KIF1A: variants seen among roughly 807,000 people sequenced by gnomAD.
The protein encoded by KIF1A is kinesin family member 1A.
Under a neutral mutation model 227.3 loss-of-function variants are expected in KIF1A, and 46 were observed. The ratio of observed to expected loss-of-function variants is 0.20; its 90% CI spans 0.16 to 0.26. The LOEUF is 0.26. KIF1A is among the 10% of genes least tolerant of loss of function. KIF1A has a pLI of 1.00. For synonymous variants in KIF1A, 1,022 were observed against 1,012.8 expected (o/e 1.01, Z -0.17); for missense variants, 1,683 against 2,485.9 (o/e 0.68, Z 6.87).
intron 22 of KIF1A, 36 bp from the exon 23 acceptor site, chr2:240,762,848 C>A: frequency 6.5e-7 from 1 of 1,543,684 alleles, no homozygotes; most frequent in Non-Finnish European, 8.8e-7. Context: ...CACTACGGCC[C>A]TACCTGCCTG....
chr2:240,722,403 AGG>A, intron 43 of KIF1A, 51 bp downstream of exon 43: 4 of 1,496,532 alleles, frequency 2.7e-6, no homozygotes, highest in Non-Finnish European at 3.6e-6. Flanking sequence ...GAAATGACTC[AGG>A]GCCCTTGAGG....
chr2:240,720,049 T>G, intron 45 of KIF1A, 123 bp from the exon 46 acceptor site: 2 of 953,960 alleles, frequency 2.1e-6, no homozygotes, highest in Non-Finnish European at 1.5e-6. Flanking sequence ...GCAGGGTCTC[T>G]CCAGCTGTGC....
At chr2:240,734,920 A>G (rs10196857) in intron 38 of KIF1A, among the ~76,000 whole-genome samples, 16,020 of 152,156 alleles carry the variant, frequency 0.11, 1,120 homozygotes, top group African/African-American at 0.2. Flanking sequence ...AAGCGCATGG[A>G]AGGCCAAGGC....
In KIF1A at chr2:240,714,470, G is replaced by C. The variant is rs2044431191; in HGVS notation, c.*2894C>G. On this transcript the variant is annotated 3_prime_UTR_variant, in exon 49 of 49. Transcript: ENST00000498729. ...GCCCCCAAACCAAAACAAGCCCCCA[G>C]ACTCGGCAGTATAAAGCATTAAATG... 6.6e-6 allele frequency: 1 copy of C among 152,514 alleles called. No individual in the cohort carries two copies. The highest frequency in any genetic ancestry group is 2.4e-5 in the African/African-American group (1 of 41,416). 9.4% of individuals were successfully genotyped at this position (152,514 alleles called of 1,614,324 possible).
chr2:240,818,069 G>A (rs900591878), intron 1 of KIF1A, among the ~76,000 whole-genome samples: 89 of 152,274 alleles, frequency 5.8e-4, no homozygotes, highest in African/African-American at 2.1e-3. Context: ...ACCCAGGGGG[G>A]CAGCACCCGG....
At chr2:240,741,154 C>A in intron 35 of KIF1A, 115 bp downstream of exon 35, 1 of 690,490 alleles carries the variant, frequency 1.4e-6, no homozygotes, top group East Asian at 2.7e-5. Context: ...AGTGAACACC[C>A]GCTGGAAGAA....
At position 240,789,657 on chromosome 2, in the gene KIF1A, A is replaced by G. The variant is rs926041353; in HGVS notation, c.107-345T>C. 1.3e-5 allele frequency among the ~76,000 whole-genome samples: 2 copies of G among 152,050 alleles called. No homozygotes were observed. On this transcript the variant is annotated intron_variant, in intron 2 of 48. Coordinates refer to ENST00000498729, the MANE Select transcript of KIF1A (RefSeq NM_001244008.2). The surrounding 1 kb of genome is among the most constrained non-coding windows in gnomAD (Gnocchi z 4.8). ...TGCGGCCCCTCCATCTCTGGTGTCC[A>G]CCTTGGGCTCACAGCCCCTGCCCTG...
chr2:240,769,600 C>T, intron 16 of KIF1A, 27 bp downstream of exon 16: 2 of 1,601,108 alleles, frequency 1.2e-6, no homozygotes, highest in Non-Finnish European at 1.7e-6. Context: ...ACCCCTCCCC[C>T]TGGGCCTCAG....
chr2:240,722,453 C>T lies in KIF1A; in HGVS notation c.4665+3G>A, dbSNP rs1326849761. 3.2e-6 allele frequency: 5 copies of T among 1,545,986 alleles called. No individual in the cohort carries two copies. In the South Asian group the frequency reaches 4.8e-5, roughly 15 times the overall value. On this transcript the variant is annotated splice_donor_region_variant and intron_variant, in intron 43 of 48. Transcript: ENST00000498729. ...GGCTGTACTGCCCACCAGCTGGACC[C>T]ACCTTGACGGCCAGCTCCCGCTGCC...
chr2:240,734,973 G>A lies in KIF1A; in HGVS notation c.4007+2090C>T, dbSNP rs539226466. Among the ~76,000 whole-genome samples, 28 of 152,314 alleles carry A rather than the reference G, an allele frequency of 1.8e-4. 1 individual carries two copies. In the South Asian group the frequency reaches 3.9e-3, roughly 21 times the overall value. On this transcript the variant is annotated intron_variant, in intron 38 of 48. Coordinates refer to ENST00000498729, the MANE Select transcript of KIF1A (RefSeq NM_001244008.2). Reference sequence around the variant, plus strand: ...AGCCGGGGATCCTGAGCCTCCGCACGTCAGGGAGAGCGGCCTTGGAGCAGC... The same window carrying A: ...AGCCGGGGATCCTGAGCCTCCGCACATCAGGGAGAGCGGCCTTGGAGCAGC...
Position 240,758,544 on chromosome 2 carries a change from C to T in KIF1A, c.2445-47G>A. On this transcript the variant is annotated intron_variant, in intron 25 of 48. Transcript: ENST00000498729. The surrounding 1 kb of genome is among the most constrained non-coding windows in gnomAD (Gnocchi z 5.2). ...ATGTGGACCCAGGCCCAGCGCTCAG[C>T]AGCTGGCACCGCACACCCTTATCTC... 1 of 1,486,118 alleles carries T rather than the reference C, an allele frequency of 6.7e-7. No individual in the cohort carries two copies. The highest frequency in any genetic ancestry group is 9.0e-7 in the Non-Finnish European group (1 of 1,114,642). The allele number at this position is 1,486,118 out of a possible 1,614,324, so 92.1% of individuals were successfully genotyped here. A position where few individuals can be genotyped will look rare whatever the true frequency, so the allele number is the denominator to read the frequency against.
chr2:240,722,663 A>G lies in KIF1A; in HGVS notation c.4465-7T>C. On this transcript the variant is annotated splice_polypyrimidine_tract_variant and splice_region_variant and intron_variant, in intron 42 of 48. Transcript: ENST00000498729. The stretch of plus-strand genomic sequence containing the variant: ...AGTGCCTAGTCTTCTCCACCTTCAG[A>G]CAGGACACAAGGCCTTACCTGCTGC... The G allele has an allele frequency of 6.6e-7, 1 of 1,513,838 alleles. No individual in the cohort carries two copies. Among genetic ancestry groups the G allele is most frequent in the Non-Finnish European group, 8.9e-7 (1 of 1,127,070 alleles). 93.8% of individuals were successfully genotyped at this position (1,513,838 alleles called of 1,614,324 possible). A position where few individuals can be genotyped will look rare whatever the true frequency, so the allele number is the denominator to read the frequency against.
At chr2:240,761,640 G>GCT (rs897075423) in intron 23 of KIF1A, among the ~76,000 whole-genome samples, 1 of 152,188 alleles carries the variant, frequency 6.6e-6, no homozygotes, top group African/African-American at 2.4e-5. Flanking sequence ...GGCTGGGAGA[G>GCT]CTCTGTGCTT....
At chr2:240,744,194 G>A (rs956218694) in intron 32 of KIF1A, 134 bp from the exon 33 acceptor site, 2 of 659,398 alleles carry the variant, frequency 3.0e-6, no homozygotes, top group Non-Finnish European at 5.5e-6. Context: ...TCTGCCCAGG[G>A]GCAGCAGCCT....
At chr2:240,750,673 A>G in intron 27 of KIF1A, 126 bp from the exon 28 acceptor site, 1 of 694,182 alleles carries the variant, frequency 1.4e-6, no homozygotes, top group South Asian at 1.8e-5. Flanking sequence ...GCCGCCGGAC[A>G]GGACAGCCAA....
chr2:240,806,716 C>T (rs1201425216), intron 1 of KIF1A, among the ~76,000 whole-genome samples: 1 of 152,084 alleles, frequency 6.6e-6, no homozygotes, highest in Non-Finnish European at 1.5e-5. Context: ...TGCCAAGAAC[C>T]AGGAAAATGT....
intron 25 of KIF1A, among the ~76,000 whole-genome samples, chr2:240,760,247 T>C (rs1167153156): frequency 6.6e-6 from 1 of 152,158 alleles, no homozygotes; most frequent in African/African-American, 2.4e-5. Flanking sequence ...GGGGCATTCC[T>C]TCCATCCCCC....
intron 40 of KIF1A, chr2:240,724,290 A>C: frequency 1.9e-6 from 1 of 538,898 alleles, no homozygotes; most frequent in Non-Finnish European, 3.4e-6. Context: ...AGGCCCCCAC[A>C]GCAGCCTCCA....
At chr2:240,742,804 C>T in intron 34 of KIF1A, 125 bp downstream of exon 34, 1 of 862,256 alleles carries the variant, frequency 1.2e-6, no homozygotes, top group Non-Finnish European at 1.8e-6. Flanking sequence ...AGGGTGGCGC[C>T]AGAGTGCCTG....
Sources: gnomAD v4.1 joint callset for allele counts (sites outside exome capture counted in the v4.1 genomes callset) on GRCh38, gnomAD v4.1.1 for gene constraint, Gnocchi (gnomAD v3.1) non-coding constraint, MANE v1.5 for transcripts, NCBI Gene and HGNC (gene_info 2026-07-23, HGNC 2026-07-21) for gene names.